The following CGN variants were observed in gnomAD, a reference collection of about 807,000 sequenced individuals.
The protein encoded by CGN is cingulin.
Under a neutral mutation model 157.1 loss-of-function variants are expected in CGN, and 121 were observed. The ratio of observed to expected loss-of-function variants is 0.77; its 90% CI spans 0.66 to 0.90. The LOEUF is 0.90. Among genes scored for constraint, CGN ranks in the 40% least tolerant of loss-of-function variants. The pLI is 0.00. For synonymous variants in CGN, 535 were observed against 607.5 expected (o/e 0.88, Z 1.76); for missense variants, 1,424 against 1,520.9 (o/e 0.94, Z 1.06).
In CGN at chr1:151,534,002, G is replaced by C. The variant is rs748587096; in HGVS notation, c.2770G>C (p.Ala924Pro). ...CCAGAGGCTGCGGCAGGCCCTGCAGGCATCCCAGGCTGAGCGGGACACAGC... is the reference window on the plus strand; with the variant it reads ...CCAGAGGCTGCGGCAGGCCCTGCAGCCATCCCAGGCTGAGCGGGACACAGC... ...EIQRLRQALQ[A>P]SQAERDTARL... Residue 924 changes from alanine to proline, a missense_variant, in exon 15 of 21, where the codon GCA becomes CCA. Transcript: ENST00000271636. 1.2e-6 allele frequency: 2 copies of C among 1,611,620 alleles called. No homozygotes were observed. The highest frequency in any genetic ancestry group is 2.2e-5 in the South Asian group (2 of 90,874).
At chr1:151,525,455 G>C in intron 8 of CGN, 187 bp from the exon 9 acceptor site, 1 of 423,970 alleles carries the variant, frequency 2.4e-6, no homozygotes, top group Non-Finnish European at 4.2e-6. Context: ...GTAGATGATA[G>C]AGGGGTGGAC....
intron 9 of CGN, among the ~76,000 whole-genome samples, 163 bp downstream of exon 9, chr1:151,525,953 A>C (rs1664669294): frequency 6.6e-6 from 1 of 151,674 alleles, no homozygotes; most frequent in South Asian, 2.1e-4. Flanking sequence ...GCTCACTGCA[A>C]CCTCTGCCTC....
rs1178179679 is a variant in CGN at position 151,520,644 on chromosome 1, A to G, written c.1093A>G (p.Thr365Ala). The G allele has an allele frequency of 6.2e-7, 1 of 1,614,060 alleles. No individual in the cohort carries two copies. The highest frequency in any genetic ancestry group is 8.5e-7 in the Non-Finnish European group (1 of 1,180,048). ...GGCCGTGGCAGGGCAGGGTGAGCTT[A>G]CCCGAAAAGTGGAGGAGCTACAGCG... ...TKAVAGQGEL[T>A]RKVEELQRKL... The change falls in exon 5 of 21, where the codon ACC becomes GCC. Residue 365 changes from threonine to alanine, a missense_variant. Physicochemically the swap from Thr to Ala is moderately conservative, Grantham distance 58 (BLOSUM62 0). Transcript: ENST00000271636.
At chr1:151,531,638 C>CA (rs993451057) in intron 13 of CGN, among the ~76,000 whole-genome samples, 63 of 137,466 alleles carry the variant, frequency 4.6e-4, no homozygotes, top group South Asian at 9.3e-4. Flanking sequence ...AAGAGCCTGT[C>CA]AAAAAAAAAA....
At chr1:151,522,666 C>T (rs1037785017) in intron 5 of CGN, among the ~76,000 whole-genome samples, 3 of 150,960 alleles carry the variant, frequency 2.0e-5, no homozygotes, top group South Asian at 2.1e-4. Flanking sequence ...CCAGGCCGGG[C>T]GCTGTGGGAG....
chr1:151,532,610 C>CACTT, intron 14 of CGN, 38 bp downstream of exon 14: 1 of 1,066,680 alleles, frequency 9.4e-7, no homozygotes, highest in Non-Finnish European at 1.2e-6. Flanking sequence ...AGGTCCTTGC[C>CACTT]TCTTTTTTTT....
chr1:151,536,637 G>T (rs940751840), intron 19 of CGN, 93 bp from the exon 20 acceptor site: 1 of 1,335,924 alleles, frequency 7.5e-7, no homozygotes, highest in Admixed American at 2.1e-5. Flanking sequence ...TTTTTCCAGC[G>T]GCAATTATAC....
rs138238589 is a variant in CGN, at chr1:151,530,595, G to C, written c.2420G>C (p.Arg807Pro). 1.2e-6 allele frequency: 2 copies of C among 1,611,650 alleles called. No individual in the cohort carries two copies. The highest frequency in any genetic ancestry group is 1.7e-6 in the Non-Finnish European group (2 of 1,178,894). ...ALEARLEEAQ[R>P]GLARLGQEQQ... ...GAGGCACGCCTAGAGGAGGCTCAGCGGGGGCTGGCCCGCCTGGGGCAGGAG... is the reference window on the plus strand; with the variant it reads ...GAGGCACGCCTAGAGGAGGCTCAGCCGGGGCTGGCCCGCCTGGGGCAGGAG... The change falls in exon 13 of 21, where the codon CGG becomes CCG. Residue 807 changes from arginine to proline, a missense_variant. By Grantham distance (103) the Arg-to-Pro change is moderately radical. Around this residue, in one of 3 missense-constraint regions of CGN, gnomAD observed 1,187 missense variants for 1,217.6 expected, o/e 0.97. Transcript: ENST00000271636.
Position 151,535,694 on chromosome 1 carries a change from A to G in CGN, c.3078+11A>G. The stretch of plus-strand genomic sequence containing the variant: ...TCCTTGGAGAGACAGGTGATGGGGG[A>G]GGGGAGGATTCTTAGGGATGGACCC... On this transcript the variant is annotated intron_variant, in intron 17 of 20. Coordinates refer to ENST00000271636, the MANE Select transcript of CGN (RefSeq NM_020770.3). 1 of 1,612,090 alleles carries G rather than the reference A, an allele frequency of 6.2e-7. No individual in the cohort carries two copies. Among genetic ancestry groups the G allele is most frequent in the Non-Finnish European group, 8.5e-7 (1 of 1,178,300 alleles).
chr1:151,527,946 ATATAT>A, intron 10 of CGN: 3 of 128,800 alleles, frequency 2.3e-5, no homozygotes, highest in Non-Finnish European at 3.8e-5. Context: ...ATATATATAT[ATATAT>A]TTTTTTTTTT....
Position 151,535,829 on chromosome 1 carries a change from C to T in CGN, c.3128C>T (p.Pro1043Leu), listed in dbSNP as rs1219587772. 6.8e-6 allele frequency: 11 copies of T among 1,614,050 alleles called. 1 individual carries two copies. The highest frequency in any genetic ancestry group is 8.5e-7 in the Non-Finnish European group (1 of 1,180,036). The change falls in exon 18 of 21, where the codon CCT becomes CTT. Residue 1043 changes from proline (P) to leucine (L), a missense_variant. Pro to Leu is a moderately conservative substitution (Grantham distance 98, BLOSUM62 -3). Transcript: ENST00000271636. ...GCCAGCTCAGAAGGCTTCCAGAAGC[C>T]TAGTGCCAGCCTCTCTCAGCTTGAG... ...RLASSEGFQK[P>L]SASLSQLESQ...
chr1:151,520,335 C>T, intron 3 of CGN, 69 bp downstream of exon 3: 1 of 1,568,950 alleles, frequency 6.4e-7, no homozygotes, highest in East Asian at 2.2e-5. Flanking sequence ...TGTTTCCCAT[C>T]TTCCCTGATT....
chr1:151,520,052 A>G, intron 2 of CGN, 114 bp from the exon 3 acceptor site: 2 of 742,136 alleles, frequency 2.7e-6, no homozygotes, highest in Non-Finnish European at 4.4e-6. Flanking sequence ...GCTTGAAGGG[A>G]CTTGACCTGA....
chr1:151,529,239 G>T, intron 10 of CGN, 111 bp from the exon 11 acceptor site: 1 of 818,752 alleles, frequency 1.2e-6, no homozygotes, highest in Admixed American at 2.5e-5. Flanking sequence ...TTTCCAAAGT[G>T]GCCACATCAG....
In CGN at chr1:151,518,722, T is replaced by G. The variant is rs1286242324; in HGVS notation, c.203T>G (p.Leu68Arg). 3 of 1,613,910 alleles carry G rather than the reference T, an allele frequency of 1.9e-6. No homozygotes were observed. Among genetic ancestry groups the G allele is most frequent in the Non-Finnish European group, 2.5e-6 (3 of 1,180,004 alleles). ...ATCGCTGGGCAGCCCTTTGTGGTGC[T>G]CAACAGTGGGGAGAAAGGCGGTGAC... Reference protein sequence around the residue: ...QGIAGQPFVVLNSGEKGGDSF... With the variant: ...QGIAGQPFVVRNSGEKGGDSF... Residue 68 changes from leucine to arginine, a missense_variant, in exon 2 of 21, where the codon CTC becomes CGC. By Grantham distance (102) the Leu-to-Arg change is moderately radical (BLOSUM62 -2). Coordinates refer to ENST00000271636, the MANE Select transcript of CGN (RefSeq NM_020770.3).
Position 151,524,928 on chromosome 1 carries a change from G to A in CGN, c.1614+42G>A, listed in dbSNP as rs1468091227. ...GGGTCTGAGAGAGGAGGGCACTGCT[G>A]GAGAACAAGGCTGCCTTGGGATCTT... On this transcript the variant is annotated intron_variant, in intron 8 of 20. Coordinates refer to ENST00000271636, the MANE Select transcript of CGN (RefSeq NM_020770.3). The surrounding 1 kb of genome is among the most constrained non-coding windows in gnomAD (Gnocchi z 4.4). 10 of 1,527,020 alleles carry A rather than the reference G, an allele frequency of 6.5e-6. No homozygotes were observed. Among genetic ancestry groups the A allele is most frequent in the Non-Finnish European group, 9.0e-6 (10 of 1,113,014 alleles). 94.6% of individuals were successfully genotyped at this position (1,527,020 alleles called of 1,614,324 possible). A position where few individuals can be genotyped will look rare whatever the true frequency, so the allele number is the denominator to read the frequency against.
intron 9 of CGN, among the ~76,000 whole-genome samples, chr1:151,526,149 G>A (rs1383998726): frequency 6.6e-6 from 1 of 151,078 alleles, no homozygotes; most frequent in Non-Finnish European, 1.5e-5. Context: ...TGGGATTACG[G>A]GTGTGAGCCG....
intron 15 of CGN, 89 bp downstream of exon 15, chr1:151,534,225 T>A: frequency 1.6e-6 from 2 of 1,256,380 alleles, no homozygotes; most frequent in African/African-American, 3.1e-5. Context: ...AGCCCACAGT[T>A]GATGAGTTTT....
At chr1:151,530,196 A>T in intron 12 of CGN, 81 bp downstream of exon 12, 1 of 1,452,306 alleles carries the variant, frequency 6.9e-7, no homozygotes, top group Non-Finnish European at 9.4e-7. Context: ...CATCAGTTTC[A>T]CTTTGCCCTT....
Sources: gnomAD v4.1 joint callset for allele counts (sites outside exome capture counted in the v4.1 genomes callset) on GRCh38, gnomAD v4.1.1 for gene constraint, gnomAD v4.1.1 regional missense constraint, Gnocchi (gnomAD v3.1) non-coding constraint, MANE v1.5 for transcripts, NCBI Gene and HGNC (gene_info 2026-07-23, HGNC 2026-07-21) for gene names.